The following LRRC61 variants were observed in gnomAD, a reference collection of about 807,000 sequenced individuals.
The protein encoded by LRRC61 is leucine rich repeat containing 61.
LRRC61 carries 9 observed loss-of-function variants against 15.1 expected under a neutral mutation model. That is an observed-to-expected ratio of 0.60 (90% CI 0.36 to 1.04). LRRC61 has a LOEUF of 1.04. Among genes scored for constraint, LRRC61 ranks in the 50% least tolerant of loss-of-function variants. The pLI is 0.01. For missense variants in LRRC61, 344 were observed against 335.6 expected (o/e 1.03, Z -0.20); for synonymous variants, 173 against 158.6 (o/e 1.09, Z -0.68).
At chr7:150,314,298 T>A in the LRRC61 span, among the ~76,000 whole-genome samples, 1 of 152,246 alleles carries the variant, frequency 6.6e-6, no homozygotes, top group Non-Finnish European at 1.5e-5. Context: ...CCTTTAGCCC[T>A]GCCAAGGATT....
the LRRC61 span, among the ~76,000 whole-genome samples, chr7:150,314,241 G>A: frequency 6.6e-6 from 1 of 152,216 alleles, no homozygotes; most frequent in Non-Finnish European, 1.5e-5. Context: ...GACCAGTTTT[G>A]TAGAACAGTT....
intron 2 of LRRC61, among the ~76,000 whole-genome samples, chr7:150,327,572 A>G (rs540800430): frequency 2.6e-5 from 4 of 152,282 alleles, no homozygotes; most frequent in African/African-American, 9.6e-5. Context: ...TAATCCCAGC[A>G]CTTTAGGAGG....
chr7:150,324,475 C>T (rs1464382213), intron 1 of LRRC61: 1 of 152,276 alleles, frequency 6.6e-6, no homozygotes, highest in Non-Finnish European at 1.5e-5. Context: ...GGAGGTGCTT[C>T]CCAGCCCAGG....
upstream of LRRC61, among the ~76,000 whole-genome samples, chr7:150,320,688 G>A (rs764666974): frequency 9.9e-5 from 15 of 152,280 alleles, no homozygotes; most frequent in Middle Eastern, 3.4e-3. Context: ...ACTTGAACCC[G>A]GGAGGCAGAG....
intron 2 of LRRC61, among the ~76,000 whole-genome samples, chr7:150,332,967 T>C (rs1159978223): frequency 6.6e-6 from 1 of 152,198 alleles, no homozygotes; most frequent in Non-Finnish European, 1.5e-5. Context: ...CTGACTCACA[T>C]GTCGGGGCGG....
In LRRC61 at chr7:150,335,115, C is replaced by G. The variant is rs908635083; in HGVS notation, c.-144-1603C>G. Among the ~76,000 whole-genome samples the G allele has an allele frequency of 6.6e-6, 1 of 151,874 alleles. No homozygotes were observed. Among genetic ancestry groups the G allele is most frequent in the Non-Finnish European group, 1.5e-5 (1 of 67,990 alleles). ...CCCCAGTCGTCCTAGGCTCTTTTTC[C>G]TCCTCCCCATTGCTTCCTGCCCTCC... On this transcript the variant is annotated intron_variant, in intron 2 of 2. Transcript: ENST00000359623. This position sits in a 1 kb window ranked among gnomAD's most constrained non-coding sequence, Gnocchi z 4.3.
chr7:150,321,452 G>A (rs1797504245), upstream of LRRC61, among the ~76,000 whole-genome samples: 1 of 152,150 alleles, frequency 6.6e-6, no homozygotes, highest in African/African-American at 2.4e-5. Context: ...AAAATAACTT[G>A]CATATGGCTG....
At position 150,338,102 on chromosome 7, in the gene LRRC61, C is replaced by G. The variant is rs969627287; in HGVS notation, c.*461C>G. On this transcript the variant is annotated 3_prime_UTR_variant, in exon 3 of 3. Coordinates refer to ENST00000359623, the MANE Select transcript of LRRC61 (RefSeq NM_001142928.2). ...TGCACTTACCCCCTCCCCGCAGCAC[C>G]TTCTCTGCCCGTTCTTGTCCACACA... is the stretch of plus-strand genomic sequence containing the variant. 1 of 558,696 alleles carries G rather than the reference C, an allele frequency of 1.8e-6. No homozygotes were observed. The highest frequency in any genetic ancestry group is 2.9e-6 in the Non-Finnish European group (1 of 345,954). The allele number at this position is 558,696 out of a possible 1,614,324, so 34.6% of individuals were successfully genotyped here.
chr7:150,337,292 C>A lies in LRRC61; in HGVS notation c.431C>A (p.Pro144His), dbSNP rs746716995. The A allele has an allele frequency of 1.3e-5, 21 of 1,603,392 alleles. No individual in the cohort carries two copies. The highest frequency in any genetic ancestry group is 3.3e-4 in the Middle Eastern group (2 of 6,082). Reference protein sequence around the residue: ...ARLSNPLCANPSYWAAVRELL... With the variant: ...ARLSNPLCANHSYWAAVRELL... ...CTCAGCAACCCGCTCTGTGCCAACC[C>A]CTCCTACTGGGCTGCAGTCCGGGAG... is the stretch of plus-strand genomic sequence containing the variant. Residue 144 changes from proline (P) to histidine (H), a missense_variant, in exon 3 of 3, where the codon CCC becomes CAC. Coordinates refer to ENST00000359623, the MANE Select transcript of LRRC61 (RefSeq NM_001142928.2).
chr7:150,330,249 G>T lies in LRRC61; in HGVS notation c.-145+4239G>T. ...CTTTGAGGAGCTCTTGGACCACTGG[G>T]TCTCGGCCTACCACCTGCTGGAGTG... is the stretch of plus-strand genomic sequence containing the variant. On this transcript the variant is annotated intron_variant, in intron 2 of 2. Transcript: ENST00000359623. This position sits in a 1 kb window ranked among gnomAD's most constrained non-coding sequence, Gnocchi z 4.6. 1.6e-6 allele frequency: 1 copy of T among 621,350 alleles called. No homozygotes were observed. The highest frequency in any genetic ancestry group is 2.7e-5 in the East Asian group (1 of 36,910). 38.5% of individuals were successfully genotyped at this position (621,350 alleles called of 1,614,324 possible). A position where few individuals can be genotyped will look rare whatever the true frequency, so the allele number is the denominator to read the frequency against.
chr7:150,331,393 TG>T, intron 2 of LRRC61: 1 of 367,552 alleles, frequency 2.7e-6, no homozygotes. Context: ...AGCAGAGAGC[TG>T]GGTGTTGCAT....
At chr7:150,309,542 A>G in the LRRC61 span, among the ~76,000 whole-genome samples, 2 of 152,216 alleles carry the variant, frequency 1.3e-5, no homozygotes, top group Non-Finnish European at 2.9e-5. Flanking sequence ...AACCCCAGCC[A>G]TGCCTTCAGC....
In LRRC61 at chr7:150,330,951, G is replaced by A. The variant is rs1262975301; in HGVS notation, c.-145+4941G>A. On this transcript the variant is annotated intron_variant, in intron 2 of 2. Transcript: ENST00000359623. The surrounding 1 kb of genome is among the most constrained non-coding windows in gnomAD (Gnocchi z 4.6). ...GCTGCTGGCCTCTGAGAGAAGCGGGGGCTCGCTGTCCACCAAGAGCCACTG... is the reference window on the plus strand; with the variant it reads ...GCTGCTGGCCTCTGAGAGAAGCGGGAGCTCGCTGTCCACCAAGAGCCACTG... 6.8e-6 allele frequency: 11 copies of A among 1,612,118 alleles called. No homozygotes were observed. Among genetic ancestry groups the A allele is most frequent in the Non-Finnish European group, 9.3e-6 (11 of 1,179,952 alleles).
upstream of LRRC61, chr7:150,322,504 C>G (rs542429945): frequency 2.6e-5 from 4 of 152,362 alleles, no homozygotes; most frequent in African/African-American, 4.8e-5. Context: ...AGCACCATGA[C>G]AGTTTACAGA....
chr7:150,330,826 G>C lies in LRRC61; in HGVS notation c.-145+4816G>C. The C allele has an allele frequency of 6.2e-7, 1 of 1,609,746 alleles. No homozygotes were observed. Among genetic ancestry groups the C allele is most frequent in the Non-Finnish European group, 8.5e-7 (1 of 1,177,384 alleles). The stretch of plus-strand genomic sequence containing the variant: ...CCCACCAGGGTAGCCAAGAGCTCCG[G>C]GGTGGAGGGGAGAAGCCAGGGGGAG... On this transcript the variant is annotated intron_variant, in intron 2 of 2. Transcript: ENST00000359623. This position sits in a 1 kb window ranked among gnomAD's most constrained non-coding sequence, Gnocchi z 4.6.
Position 150,336,722 on chromosome 7 carries a change from T to TG in LRRC61, c.-138dup, listed in dbSNP as rs1798304218. The TG allele has an allele frequency of 8.8e-7, 1 of 1,133,818 alleles. No homozygotes were observed. Among genetic ancestry groups the TG allele is most frequent in the African/African-American group, 1.6e-5 (1 of 64,164 alleles). The allele number at this position is 1,133,818 out of a possible 1,614,324, so 70.2% of individuals were successfully genotyped here. On this transcript the variant is annotated 5_prime_UTR_variant, in exon 3 of 3. Transcript: ENST00000359623. ...TGACTGACTGTCTCTCCTCAGGGAC[T>TG]GGCTGGCTTCGAGCAGGGCATCGGA...
At chr7:150,316,690 T>C in the LRRC61 span, among the ~76,000 whole-genome samples, 1 of 152,174 alleles carries the variant, frequency 6.6e-6, no homozygotes, top group Non-Finnish European at 1.5e-5. Flanking sequence ...TTCACCATGT[T>C]GGCCAGGATG....
rs1270375091 is a variant in LRRC61 at position 150,330,884 on chromosome 7, C to T, written c.-145+4874C>T. The T allele has an allele frequency of 1.8e-5, 29 of 1,611,010 alleles. No individual in the cohort carries two copies. Among genetic ancestry groups the T allele is most frequent in the Non-Finnish European group, 2.4e-5 (28 of 1,178,380 alleles). On this transcript the variant is annotated intron_variant, in intron 2 of 2. Transcript: ENST00000359623. The surrounding 1 kb of genome is among the most constrained non-coding windows in gnomAD (Gnocchi z 4.6). ...AGAGCAGCAGCCACTCTGGGGCCTTCCTGCTGGCCCAGAGGGAGAAGGGCT... is the reference window on the plus strand; with the variant it reads ...AGAGCAGCAGCCACTCTGGGGCCTTTCTGCTGGCCCAGAGGGAGAAGGGCT...
rs571516201 is a variant in LRRC61 at position 150,331,100 on chromosome 7, C to A, written c.-145+5090C>A. On this transcript the variant is annotated intron_variant, in intron 2 of 2. Coordinates refer to ENST00000359623, the MANE Select transcript of LRRC61 (RefSeq NM_001142928.2). Reference sequence around the variant, plus strand: ...CACCATCTATCTGTCTTACCCCCCACAGGAGCCTTCTCTGAAAGCATCTTT... The same window carrying A: ...CACCATCTATCTGTCTTACCCCCCAAAGGAGCCTTCTCTGAAAGCATCTTT... 12 of 1,610,086 alleles carry A rather than the reference C, an allele frequency of 7.5e-6. No individual in the cohort carries two copies. In the African/African-American group the frequency reaches 1.6e-4, roughly 22 times the overall value.
Sources: allele counts gnomAD v4.1 joint callset (sites outside exome capture counted in the v4.1 genomes callset), GRCh38; gene constraint gnomAD v4.1.1; non-coding constraint Gnocchi (gnomAD v3.1); transcripts MANE v1.5; gene names NCBI Gene and HGNC (gene_info 2026-07-23, HGNC 2026-07-21).